The following MAP7D3 variants were observed in gnomAD, a reference collection of about 807,000 sequenced individuals.
MAP7D3 encodes MAP7 domain-containing protein 3.
In MAP7D3, 45 loss-of-function variants were observed where a neutral mutation model predicts 62.2. The observed-to-expected ratio is 0.72, with a 90% CI of 0.57 to 0.93. MAP7D3 has a LOEUF of 0.93. Ranked by LOEUF, MAP7D3 falls within the 40% of genes least tolerant of loss-of-function variation. The pLI is 0.00. For missense variants in MAP7D3, 711 were observed against 683.1 expected (o/e 1.04, Z -0.45); for synonymous variants, 288 against 248.8 (o/e 1.16, Z -1.48).
chrX:136,219,906 A>G, intron 16 of MAP7D3: 1 of 438,736 alleles, frequency 2.3e-6, no homozygotes, highest in South Asian at 3.3e-5. Context: ...GGAGCAGCTA[A>G]GCACGCAGGA....
intron 12 of MAP7D3, among the ~76,000 whole-genome samples, chrX:136,226,490 T>C (rs2074198625): frequency 8.9e-6 from 1 of 112,182 alleles, no homozygotes; most frequent in Admixed American, 9.5e-5. Flanking sequence ...GAGTATAGTC[T>C]GAGCTCAGTT....
intron 16 of MAP7D3, 73 bp from the exon 17 acceptor site, chrX:136,219,744 CTTTAA>C (rs2074101542): frequency 1.3e-6 from 1 of 753,025 alleles, no homozygotes; most frequent in Admixed American, 2.2e-5. Context: ...AAGCTTTGTC[CTTTAA>C]TTAACTTCTA....
At chrX:136,220,993 G>A in intron 15 of MAP7D3, 30 bp from the exon 16 acceptor site, 5 of 1,041,941 alleles carry the variant, frequency 4.8e-6, no homozygotes, top group Non-Finnish European at 6.7e-6. Flanking sequence ...AATTAAATAT[G>A]GAGTTTCAAT....
rs1409267447 is a variant in MAP7D3 at position 136,230,560 on chromosome X, T to C, written c.1575A>G (p.Pro525=). The C allele has an allele frequency of 8.3e-7, 1 of 1,199,159 alleles. No individual in the cohort carries two copies. Among genetic ancestry groups the C allele is most frequent in the Admixed American group, 2.2e-5 (1 of 45,507 alleles). The change falls in exon 10 of 19, where the codon CCA becomes CCG. Residue 525 remains proline (P), a synonymous_variant. Transcript: ENST00000316077. ...GTGACTGTTTTGAAATAAGTGGTAA[T>C]GGTGATGGAGGGCAGTTCTTTTGGA... is the stretch of plus-strand genomic sequence containing the variant. The part of the protein sequence containing the change: ...RQIQKNCPPS[P]LPLISKQSPQ...
intron 7 of MAP7D3, among the ~76,000 whole-genome samples, chrX:136,234,839 T>C (rs1392535422): frequency 9.0e-6 from 1 of 111,499 alleles, no homozygotes; most frequent in Non-Finnish European, 1.9e-5. Context: ...TGAGAACTGA[T>C]ATATGAGCAA....
intron 6 of MAP7D3, 99 bp downstream of exon 6, chrX:136,240,283 C>A: frequency 2.0e-6 from 1 of 497,902 alleles, no homozygotes; most frequent in Non-Finnish European, 3.5e-6. Flanking sequence ...CTGAAATAAA[C>A]ATAAATGTTC....
intron 1 of MAP7D3, among the ~76,000 whole-genome samples, chrX:136,247,492 T>C (rs948717450): frequency 2.7e-5 from 3 of 111,143 alleles, no homozygotes; most frequent in Non-Finnish European, 3.8e-5. Context: ...CTTGGACTTA[T>C]AAAATGAATG....
chrX:136,240,489 G>A lies in MAP7D3; in HGVS notation c.536-3C>T. On this transcript the variant is annotated splice_polypyrimidine_tract_variant and splice_region_variant and intron_variant, in intron 5 of 18. Coordinates refer to ENST00000316077, the MANE Select transcript of MAP7D3 (RefSeq NM_024597.4). ...AGTAGATGCAGATCGTTTATTGGCTGAGAAAAGACATAATACTTACTGTAA... is the reference window on the plus strand; with the variant it reads ...AGTAGATGCAGATCGTTTATTGGCTAAGAAAAGACATAATACTTACTGTAA... 1.8e-6 allele frequency: 2 copies of A among 1,083,742 alleles called. No individual in the cohort carries two copies. The highest frequency in any genetic ancestry group is 1.9e-5 in the South Asian group (1 of 53,499). 89.3% of individuals were successfully genotyped at this position (1,083,742 alleles called of 1,213,427 possible).
chrX:136,222,269 C>A, intron 15 of MAP7D3, 124 bp downstream of exon 15: 1 of 474,819 alleles, frequency 2.1e-6, no homozygotes, highest in Non-Finnish European at 3.6e-6. Flanking sequence ...TTAGCTTCCC[C>A]TTTTTCAGAT....
intron 18 of MAP7D3, among the ~76,000 whole-genome samples, chrX:136,218,790 G>C (rs1338293230): frequency 8.9e-6 from 1 of 111,943 alleles, no homozygotes; most frequent in Non-Finnish European, 1.9e-5. Flanking sequence ...GCAACTGTCT[G>C]TGTGCTTGCC....
chrX:136,237,980 G>T (rs1250976527), intron 6 of MAP7D3, among the ~76,000 whole-genome samples: 4 of 109,593 alleles, frequency 3.6e-5, no homozygotes, highest in Admixed American at 3.0e-4. Context: ...GCATTGTTTG[G>T]TTTTTTGTCC....
intron 6 of MAP7D3, among the ~76,000 whole-genome samples, chrX:136,239,289 C>T (rs978769421): frequency 1.8e-5 from 2 of 111,972 alleles, no homozygotes; most frequent in African/African-American, 6.5e-5. Flanking sequence ...GGACAAACAC[C>T]AGAAACAAAA....
At chrX:136,216,378 A>G (rs1339124394), downstream of MAP7D3, among the ~76,000 whole-genome samples, 3 of 104,276 alleles carry the variant, frequency 2.9e-5, no homozygotes, top group Non-Finnish European at 3.9e-5. Flanking sequence ...AAAAAAAAAA[A>G]AAAGAAAAAA....
At chrX:136,227,186 C>G (rs893716438) in intron 12 of MAP7D3, 98 bp downstream of exon 12, 42 of 700,736 alleles carry the variant, frequency 6.0e-5, no homozygotes, top group African/African-American at 5.8e-4. Flanking sequence ...AGAATCTGCT[C>G]ATGTCTTCTT....
At chrX:136,254,739 C>T (rs886763885), upstream of MAP7D3, among the ~76,000 whole-genome samples, 3 of 111,549 alleles carry the variant, frequency 2.7e-5, no homozygotes, top group Non-Finnish European at 5.6e-5. Context: ...CCTCCAAAAG[C>T]GAGTAACCAC....
rs1396871934 is a variant in MAP7D3, at chrX:136,251,336, G to A, written c.23C>T (p.Ala8Val). The A allele has an allele frequency of 8.0e-6, 9 of 1,125,886 alleles. No homozygotes were observed. Among genetic ancestry groups the A allele is most frequent in the Non-Finnish European group, 1.0e-5 (9 of 858,887 alleles). 92.8% of individuals were successfully genotyped at this position (1,125,886 alleles called of 1,213,427 possible). MMADGAAAGAGGSPSLRE... is the reference protein window; with the variant it reads MMADGAAVGAGGSPSLRE... ...CAAGGATGGGCTGCCGCCAGCGCCA[G>A]CTGCGGCGCCGTCCGCCATCATCGG... The change falls in exon 1 of 19, where the codon GCT (alanine) becomes GTT (valine). Residue 8 changes from alanine (A) to valine (V), a missense_variant. Physicochemically the swap from Ala to Val is moderately conservative, Grantham distance 64. Transcript: ENST00000316077.
rs750105042 is a variant in MAP7D3, at chrX:136,229,610, G to A, written c.1750+775C>T. 3.6e-5 allele frequency among the ~76,000 whole-genome samples: 4 copies of A among 109,821 alleles called. No homozygotes were observed. In the South Asian group the frequency reaches 1.6e-3, roughly 43 times the overall value. ...CGAACCTAAATCTTAGGAAAAACCT[G>A]CTCATCCACGAGTGGATGTGCTCTC... On this transcript the variant is annotated intron_variant, in intron 10 of 18. Coordinates refer to ENST00000316077, the MANE Select transcript of MAP7D3 (RefSeq NM_024597.4).
chrX:136,241,449 A>AC (rs2074388773), intron 4 of MAP7D3, among the ~76,000 whole-genome samples, 172 bp from the exon 5 acceptor site: 1 of 110,298 alleles, frequency 9.1e-6, no homozygotes. Context: ...TAAATAACTC[A>AC]TTTTTTTTTA....
chrX:136,229,906 C>G (rs1201861712), intron 10 of MAP7D3, among the ~76,000 whole-genome samples: 1 of 101,548 alleles, frequency 9.8e-6, no homozygotes, highest in Non-Finnish European at 2.0e-5. Context: ...CCTCAACCCC[C>G]TAACCGAATA....
Sources: gnomAD v4.1 joint callset for allele counts (sites outside exome capture counted in the v4.1 genomes callset) on GRCh38, gnomAD v4.1.1 for gene constraint, MANE v1.5 for transcripts, NCBI Gene and HGNC (gene_info 2026-07-23, HGNC 2026-07-21) for gene names.